LSAMP: variants seen among roughly 807,000 people sequenced by gnomAD.
The protein encoded by LSAMP is limbic system-associated membrane protein.
LSAMP carries 7 observed loss-of-function variants against 38.6 expected under a neutral mutation model. The ratio of observed to expected loss-of-function variants is 0.18; its 90% CI spans 0.10 to 0.34. The LOEUF is 0.34. Ranked by LOEUF, LSAMP falls within the 10% of genes least tolerant of loss-of-function variation. The pLI, the probability that LSAMP is intolerant of heterozygous loss-of-function variation, is 1.00. For synonymous variants in LSAMP, 154 were observed against 166.8 expected, an observed-to-expected ratio of 0.92 and a Z score of 0.59; for missense variants, 313 against 420.0, an observed-to-expected ratio of 0.75 and a Z score of 2.23.
At chr3:116,124,289 C>T (rs2107492630) in intron 1 of LSAMP, among the ~76,000 whole-genome samples, 1 of 152,230 alleles carries the variant, frequency 6.6e-6, no homozygotes, top group African/African-American at 2.4e-5. Context: ...ATTCATATAT[C>T]CTTAGGGAAC....
chr3:116,156,039 C>T (rs564670898), intron 1 of LSAMP, among the ~76,000 whole-genome samples: 117 of 152,200 alleles, frequency 7.7e-4, no homozygotes, highest in African/African-American at 2.6e-3. Context: ...TGCAAGGGGC[C>T]GCCCATATGC....
At chr3:115,994,429 G>A (rs1211682165) in intron 3 of LSAMP, among the ~76,000 whole-genome samples, 1 of 151,976 alleles carries the variant, frequency 6.6e-6, no homozygotes, top group African/African-American at 2.4e-5. Context: ...TGAGAAGTGG[G>A]TCATATCAGT....
intron 1 of LSAMP, among the ~76,000 whole-genome samples, chr3:116,396,639 G>T (rs901953501): frequency 9.2e-5 from 14 of 152,276 alleles, no homozygotes; most frequent in African/African-American, 3.4e-4. Context: ...TATTTCTATA[G>T]GATCTAGCAG....
At chr3:116,323,324 T>C (rs2047730166) in intron 1 of LSAMP, among the ~76,000 whole-genome samples, 1 of 152,072 alleles carries the variant, frequency 6.6e-6, no homozygotes, top group African/African-American at 2.4e-5. Flanking sequence ...CTATATCTGG[T>C]CAATCATAGC....
intron 2 of LSAMP, among the ~76,000 whole-genome samples, chr3:116,073,002 A>G (rs1707649916): frequency 6.6e-6 from 1 of 152,056 alleles, no homozygotes; most frequent in Admixed American, 6.6e-5. Flanking sequence ...CTGAAATGGT[A>G]TTGCCTTGCT....
intron 1 of LSAMP, among the ~76,000 whole-genome samples, chr3:116,324,611 A>G (rs1461653229): frequency 6.6e-6 from 1 of 152,182 alleles, no homozygotes; most frequent in Non-Finnish European, 1.5e-5. Context: ...ATAAGGCTTT[A>G]GTCTCCCCTG....
At chr3:116,382,294 C>T (rs181117475) in intron 1 of LSAMP, among the ~76,000 whole-genome samples, 2 of 151,930 alleles carry the variant, frequency 1.3e-5, no homozygotes, top group Admixed American at 1.3e-4. Context: ...GAAAATGTGG[C>T]ACATATACAC....
At chr3:116,379,283 C>T (rs1321420035) in intron 1 of LSAMP, among the ~76,000 whole-genome samples, 3 of 151,858 alleles carry the variant, frequency 2.0e-5, no homozygotes, top group African/African-American at 7.3e-5. Flanking sequence ...TTAAAACAGA[C>T]CACTGGGATA....
rs551018972 is a variant in LSAMP, at chr3:116,204,155, T to C, written c.156-117599A>G. 6.6e-5 allele frequency among the ~76,000 whole-genome samples: 10 copies of C among 152,278 alleles called. No individual in the cohort carries two copies. The South Asian group carries it at 2.1e-3, about 32-fold the overall frequency. On this transcript the variant is annotated intron_variant, in intron 1 of 6. Transcript: ENST00000490035. ...TTTGCATTTCTCTGATAGCCAGTGA[T>C]GATGAGCATTTTTTCATGTGTTTTT...
At chr3:115,927,974 A>G (rs1375487310) in intron 3 of LSAMP, among the ~76,000 whole-genome samples, 3 of 152,202 alleles carry the variant, frequency 2.0e-5, no homozygotes, top group African/African-American at 4.8e-5. Context: ...ACTGTGCCTA[A>G]TTGATTATCT....
chr3:115,802,664 T>C lies in LSAMP; in HGVS notation c.*7653A>G, dbSNP rs1933541382. 6.6e-6 allele frequency: 1 copy of C among 151,994 alleles called. No homozygotes were observed. Among genetic ancestry groups the C allele is most frequent in the African/African-American group, 2.4e-5 (1 of 41,512 alleles). The allele number at this position is 151,994 out of a possible 1,614,324, so 9.4% of individuals were successfully genotyped here. A position where few individuals can be genotyped will look rare whatever the true frequency, so the allele number is the denominator to read the frequency against. On this transcript the variant is annotated 3_prime_UTR_variant, in exon 7 of 7. Coordinates refer to ENST00000490035, the MANE Select transcript of LSAMP (RefSeq NM_002338.5). ...CAAACAAAAAATGGCCATGTGTTTG[T>C]ATCTTCAAGGGAAGATCAGTTCATG...
intron 3 of LSAMP, among the ~76,000 whole-genome samples, chr3:115,980,628 G>A (rs1447488378): frequency 3.9e-5 from 6 of 152,122 alleles, no homozygotes; most frequent in Non-Finnish European, 4.4e-5. Context: ...GGAACACTTA[G>A]ATACCTTGAA....
In LSAMP at chr3:116,001,452, TG is replaced by T. The variant is rs1180533076; in HGVS notation, c.514+18062del. The stretch of plus-strand genomic sequence containing the variant: ...CTGAGTGTCTGCCCATGAAGAACTC[TG>T]AGGGGAAACTGCTTGTGTTAGTTTG... On this transcript the variant is annotated intron_variant, in intron 3 of 6. Coordinates refer to ENST00000490035, the MANE Select transcript of LSAMP (RefSeq NM_002338.5). Among the ~76,000 whole-genome samples the T allele has an allele frequency of 2.6e-5, 4 of 152,346 alleles. No homozygotes were observed. In the East Asian group the frequency reaches 5.8e-4, roughly 22 times the overall value.
At chr3:115,844,198 T>C (rs539505628) in intron 4 of LSAMP, among the ~76,000 whole-genome samples, 3 of 152,304 alleles carry the variant, frequency 2.0e-5, no homozygotes, top group African/African-American at 7.2e-5. Flanking sequence ...TTCAAATGAG[T>C]GGTTGGCATA....
At chr3:116,409,053 A>G (rs1045767093) in intron 1 of LSAMP, among the ~76,000 whole-genome samples, 1 of 151,976 alleles carries the variant, frequency 6.6e-6, no homozygotes, top group Non-Finnish European at 1.5e-5. Flanking sequence ...ATTGGCTCCT[A>G]GTTGCCTGGG....
intron 1 of LSAMP, among the ~76,000 whole-genome samples, chr3:116,239,102 T>C (rs1371297624): frequency 6.6e-6 from 1 of 152,194 alleles, no homozygotes; most frequent in African/African-American, 2.4e-5. Context: ...TCACCTGTGA[T>C]AGTCTAAGCC....
At chr3:116,436,446 A>G (rs1326834506) in intron 1 of LSAMP, among the ~76,000 whole-genome samples, 1 of 152,192 alleles carries the variant, frequency 6.6e-6, no homozygotes, top group African/African-American at 2.4e-5. Flanking sequence ...CACAATCTAT[A>G]CATCTGACAA....
intron 1 of LSAMP, among the ~76,000 whole-genome samples, chr3:116,270,734 C>T (rs2046960321): frequency 6.6e-6 from 1 of 152,076 alleles, no homozygotes; most frequent in South Asian, 2.1e-4. Context: ...CCCTGTTTAT[C>T]CTGTACAAGC....
chr3:115,906,909 G>A (rs1353338326), intron 3 of LSAMP, among the ~76,000 whole-genome samples: 2 of 152,110 alleles, frequency 1.3e-5, no homozygotes, highest in African/African-American at 2.4e-5. Context: ...AACTTTTGGG[G>A]CTTTGTTTGA....
Sources: gnomAD v4.1 joint callset for allele counts (sites outside exome capture counted in the v4.1 genomes callset) on GRCh38, gnomAD v4.1.1 for gene constraint, MANE v1.5 for transcripts, NCBI Gene and HGNC (gene_info 2026-07-23, HGNC 2026-07-21) for gene names.